OR14A2: variants seen among roughly 807,000 people sequenced by gnomAD.
The protein encoded by OR14A2 is olfactory receptor 14A2.
For missense variants in OR14A2, 237 were observed against 152.9 expected, an observed-to-expected ratio of 1.55 and a Z score of -2.90; for synonymous variants, 114 against 58.6, an observed-to-expected ratio of 1.95 and a Z score of -4.32.
chr1:247,724,123 C>T, upstream of OR14A2: 1 of 606,024 alleles, frequency 1.7e-6, no homozygotes, highest in South Asian at 2.2e-5. Context: ...AAAAATTAGT[C>T]TATACAGACT....
chr1:247,736,823 T>A, the OR14A2 span, among the ~76,000 whole-genome samples: 1 of 152,184 alleles, frequency 6.6e-6, no homozygotes, highest in Non-Finnish European at 1.5e-5. Flanking sequence ...TTCCATGAAT[T>A]AGCTCATGTT....
upstream of OR14A2, among the ~76,000 whole-genome samples, chr1:247,725,526 T>C (rs951301302): frequency 7.4e-5 from 11 of 149,456 alleles, no homozygotes; most frequent in Non-Finnish European, 1.5e-4. Context: ...TTTTATTTAT[T>C]TATTTTTTTT....
the OR14A2 span, among the ~76,000 whole-genome samples, chr1:247,741,561 T>G: frequency 6.6e-6 from 1 of 152,164 alleles, no homozygotes; most frequent in South Asian, 2.1e-4. Context: ...ATGACTATAT[T>G]TTTAGAGAGC....
At chr1:247,741,400 T>A in the OR14A2 span, among the ~76,000 whole-genome samples, 1 of 152,230 alleles carries the variant, frequency 6.6e-6, no homozygotes, top group Non-Finnish European at 1.5e-5. Context: ...CCAATTCATT[T>A]CAATGCACCA....
At chr1:247,729,247 G>C in the OR14A2 span, among the ~76,000 whole-genome samples, 1 of 152,022 alleles carries the variant, frequency 6.6e-6, no homozygotes, top group Non-Finnish European at 1.5e-5. Flanking sequence ...TTTTCTGTAG[G>C]GAGGAAACAA....
At chr1:247,732,563 TG>T in the OR14A2 span, among the ~76,000 whole-genome samples, 1 of 152,196 alleles carries the variant, frequency 6.6e-6, no homozygotes, top group South Asian at 2.1e-4. Context: ...AAACCGAGCA[TG>T]GCCTTACCAA....
the OR14A2 span, among the ~76,000 whole-genome samples, chr1:247,736,142 CATATAGG>C: frequency 2.7e-5 from 4 of 149,714 alleles, no homozygotes; most frequent in South Asian, 2.1e-4. Flanking sequence ...CTGAAGACTC[CATATAGG>C]CCTCCCCTCC....
At chr1:247,732,552 A>G in the OR14A2 span, among the ~76,000 whole-genome samples, 4 of 152,178 alleles carry the variant, frequency 2.6e-5, no homozygotes, top group South Asian at 2.1e-4. Flanking sequence ...CTCTTTTAGC[A>G]AAACCGAGCA....
chr1:247,738,909 C>T, the OR14A2 span: 1 of 780,732 alleles, frequency 1.3e-6, no homozygotes, highest in Admixed American at 1.7e-5. Context: ...TGTGTTGCAG[C>T]TCTTCTTGGT....
upstream of OR14A2, among the ~76,000 whole-genome samples, chr1:247,728,574 G>A (rs989956121): frequency 4.6e-5 from 7 of 152,020 alleles, no homozygotes; most frequent in South Asian, 2.1e-4. Flanking sequence ...TTCTGGCCCG[G>A]GCATTTAGGC....
chr1:247,745,265 A>G, the OR14A2 span, among the ~76,000 whole-genome samples: 1 of 152,168 alleles, frequency 6.6e-6, no homozygotes, highest in Non-Finnish European at 1.5e-5. Context: ...AACGTGATTA[A>G]TAAATTATTA....
At chr1:247,740,444 C>T in the OR14A2 span, among the ~76,000 whole-genome samples, 1 of 152,230 alleles carries the variant, frequency 6.6e-6, no homozygotes. Context: ...TATACAATTA[C>T]CCAAACACTT....
At chr1:247,742,922 A>G in the OR14A2 span, among the ~76,000 whole-genome samples, 1 of 152,210 alleles carries the variant, frequency 6.6e-6, no homozygotes, top group African/African-American at 2.4e-5. Flanking sequence ...GAACTATGCT[A>G]TCAAATATGG....
chr1:247,725,295 T>A (rs1164288211), upstream of OR14A2, among the ~76,000 whole-genome samples: 1 of 152,040 alleles, frequency 6.6e-6, no homozygotes, highest in East Asian at 1.9e-4. Flanking sequence ...TACGGACATT[T>A]GGATCACATG....
chr1:247,733,864 G>A, the OR14A2 span, among the ~76,000 whole-genome samples: 6 of 152,124 alleles, frequency 3.9e-5, no homozygotes, highest in African/African-American at 1.4e-4. Context: ...AAATGAAGAA[G>A]TGCAACTTTT....
chr1:247,723,317 G>A (rs1660247381), exon 1 of OR14A2: 2 of 717,430 alleles, frequency 2.8e-6, no homozygotes, highest in South Asian at 3.0e-5. Flanking sequence ...AAAACAGTGA[G>A]ATGGGGGAAG....
At chr1:247,723,612 A>C in exon 1 of OR14A2, 1 of 718,388 alleles carries the variant, frequency 1.4e-6, no homozygotes, top group East Asian at 2.7e-5. Context: ...CCCAGGAAAC[A>C]CTTGCCATTA....
At chr1:247,725,959 CTT>C (rs1660340983), upstream of OR14A2, among the ~76,000 whole-genome samples, 1 of 137,488 alleles carries the variant, frequency 7.3e-6, no homozygotes, top group South Asian at 2.4e-4. Context: ...GGTTCCAAGT[CTT>C]TGCTATTGTG....
the OR14A2 span, chr1:247,739,224 T>TA: frequency 1.3e-6 from 1 of 780,916 alleles, no homozygotes; most frequent in Non-Finnish European, 2.4e-6. Context: ...TGGGGTCTGT[T>TA]ATGCATTTTC....
Sources: gnomAD v4.1 joint callset for allele counts (sites outside exome capture counted in the v4.1 genomes callset) on GRCh38, gnomAD v4.1.1 for gene constraint, MANE v1.5 for transcripts, NCBI Gene and HGNC (gene_info 2026-07-23, HGNC 2026-07-21) for gene names.